DMD: variants seen among roughly 807,000 people sequenced by gnomAD.
DMD encodes mutant dystrophin.
Under a neutral mutation model 330.1 loss-of-function variants are expected in DMD, and 63 were observed. The ratio of observed to expected loss-of-function variants is 0.19; its 90% CI spans 0.16 to 0.24. The LOEUF (loss-of-function observed/expected upper bound fraction) is 0.24. Ranked by LOEUF, DMD falls within the 10% of genes least tolerant of loss-of-function variation. The probability of loss-of-function intolerance (pLI) is 1.00; values close to 1 mark genes in which losing one functional copy is unlikely to be tolerated. For synonymous variants in DMD, 1,223 were observed against 959.8 expected, an observed-to-expected ratio of 1.27 and a Z score of -5.07; for missense variants, 3,344 against 2,684.1, an observed-to-expected ratio of 1.25 and a Z score of -5.43.
chrX:31,501,571 T>G (rs901852914), intron 56 of DMD, among the ~76,000 whole-genome samples: 1 of 111,903 alleles, frequency 8.9e-6, no homozygotes. Flanking sequence ...AGCCTTTAGA[T>G]GTGCTGGAGT....
At chrX:32,782,879 G>A (rs759302445) in intron 7 of DMD, among the ~76,000 whole-genome samples, 162 of 104,240 alleles carry the variant, frequency 1.6e-3, no homozygotes, top group African/African-American at 5.2e-3. Context: ...ACACACACAC[G>A]TATATATATA....
intron 29 of DMD, among the ~76,000 whole-genome samples, chrX:32,435,251 T>C (rs78526092): frequency 2.2e-5 from 2 of 90,582 alleles, no homozygotes; most frequent in South Asian, 5.6e-4. Context: ...TAAATATATA[T>C]TTACATATTT....
At chrX:32,814,997 C>A (rs2077618588) in intron 6 of DMD, among the ~76,000 whole-genome samples, 1 of 111,471 alleles carries the variant, frequency 9.0e-6, no homozygotes, top group Non-Finnish European at 1.9e-5. Context: ...CAGAATGTCT[C>A]TATCCCTTCT....
intron 44 of DMD, among the ~76,000 whole-genome samples, chrX:32,109,859 T>C (rs960142657): frequency 8.9e-6 from 1 of 111,821 alleles, no homozygotes; most frequent in Non-Finnish European, 1.9e-5. Flanking sequence ...CAACATAATC[T>C]CTTAAACATT....
At chrX:32,440,041 C>A (rs2098275763) in intron 28 of DMD, among the ~76,000 whole-genome samples, 1 of 111,382 alleles carries the variant, frequency 9.0e-6, no homozygotes, top group East Asian at 2.8e-4. Context: ...TTCAGCACAT[C>A]ACTGAAACTG....
At chrX:33,268,192 G>A (rs971426044) in intron 1 of DMD, among the ~76,000 whole-genome samples, 2 of 110,285 alleles carry the variant, frequency 1.8e-5, no homozygotes, top group Admixed American at 9.7e-5. Context: ...GTTTTGCCAC[G>A]TTGGTCAGGC....
chrX:32,624,571 T>C (rs1279372179), intron 11 of DMD, among the ~76,000 whole-genome samples: 2 of 111,583 alleles, frequency 1.8e-5, no homozygotes. Context: ...ATGAATCACC[T>C]GGAGAGTGTC....
intron 7 of DMD, among the ~76,000 whole-genome samples, chrX:32,762,054 A>T (rs1039503160): frequency 8.3e-5 from 9 of 108,846 alleles, no homozygotes; most frequent in Non-Finnish European, 1.3e-4. Context: ...GGAGGCTGAG[A>T]CAGGAGGAAT....
At chrX:32,944,521 A>C (rs2146852663) in intron 2 of DMD, among the ~76,000 whole-genome samples, 1 of 111,501 alleles carries the variant, frequency 9.0e-6, no homozygotes, top group Admixed American at 9.5e-5. Context: ...CACTGATTTG[A>C]AATTCCATTT....
chrX:32,465,536 A>G (rs1307485865), intron 23 of DMD, among the ~76,000 whole-genome samples: 4 of 101,588 alleles, frequency 3.9e-5, no homozygotes, highest in African/African-American at 1.4e-4. Context: ...CTTATTTCAC[A>G]TCTTCACTGT....
chrX:31,350,605 G>GTA (rs1412130080), intron 60 of DMD, among the ~76,000 whole-genome samples: 4 of 46,317 alleles, frequency 8.6e-5, no homozygotes, highest in Non-Finnish European at 1.3e-4. Context: ...GTGTGTGTGT[G>GTA]TGTGTGTGTG....
At chrX:31,635,517 A>G (rs1450930205) in intron 54 of DMD, among the ~76,000 whole-genome samples, 1 of 111,875 alleles carries the variant, frequency 8.9e-6, no homozygotes, top group Admixed American at 9.5e-5. Context: ...TTCAGAAGAC[A>G]GCAAAGCAGG....
At chrX:32,994,057 G>A (rs577157627) in intron 2 of DMD, among the ~76,000 whole-genome samples, 1 of 109,507 alleles carries the variant, frequency 9.1e-6, no homozygotes, top group Non-Finnish European at 1.9e-5. Context: ...AAGTTGGGGT[G>A]GGGGGGAATG....
At chrX:32,412,826 A>G (rs1363120434) in intron 29 of DMD, among the ~76,000 whole-genome samples, 1 of 111,580 alleles carries the variant, frequency 9.0e-6, no homozygotes, top group Non-Finnish European at 1.9e-5. Flanking sequence ...CTGAGGTTTT[A>G]AGATGATCTT....
At chrX:31,666,176 A>G (rs1219273470) in intron 53 of DMD, among the ~76,000 whole-genome samples, 1 of 111,524 alleles carries the variant, frequency 9.0e-6, no homozygotes, top group Non-Finnish European at 1.9e-5. Context: ...CCCCATGAGC[A>G]TATTGTGGTA....
chrX:32,691,363 C>T, intron 9 of DMD, among the ~76,000 whole-genome samples: 1 of 109,253 alleles, frequency 9.2e-6, no homozygotes, highest in Middle Eastern at 4.8e-3. Context: ...GGGCTAAAGG[C>T]TTGAACAGAC....
chrX:32,388,886 C>A (rs1311175198), intron 32 of DMD, among the ~76,000 whole-genome samples: 1 of 111,430 alleles, frequency 9.0e-6, no homozygotes, highest in Non-Finnish European at 1.9e-5. Flanking sequence ...CATAGGACAC[C>A]GTTCAATATT....
At chrX:31,962,254 C>T (rs938332838) in intron 45 of DMD, among the ~76,000 whole-genome samples, 11 of 111,511 alleles carry the variant, frequency 9.9e-5, no homozygotes, top group African/African-American at 3.6e-4. Context: ...CTTCCATCAC[C>T]ACCCTAACCG....
chrX:31,864,294 C>T (rs1297557744), intron 48 of DMD, among the ~76,000 whole-genome samples: 2 of 110,417 alleles, frequency 1.8e-5, no homozygotes, highest in Non-Finnish European at 3.8e-5. Flanking sequence ...TTTCTCATGT[C>T]CAACAAATTG....
Sources: allele counts gnomAD v4.1 joint callset (sites outside exome capture counted in the v4.1 genomes callset), GRCh38; gene constraint gnomAD v4.1.1; transcripts MANE v1.5; gene names NCBI Gene and HGNC (gene_info 2026-07-23, HGNC 2026-07-21).